Variants in XXYLT1 observed in about 807,000 individuals in gnomAD.
The protein encoded by XXYLT1 is UDP-xylose:alpha-xyloside alpha-1,3-xylosyltransferase.
In XXYLT1, 20 loss-of-function variants were observed where a neutral mutation model predicts 28.9. The ratio of observed to expected loss-of-function variants is 0.69; its 90% CI spans 0.49 to 1.00. The LOEUF (loss-of-function observed/expected upper bound fraction) is 1.00. Among genes scored for constraint, XXYLT1 ranks in the 50% least tolerant of loss-of-function variants. XXYLT1 has a pLI of 0.00. For synonymous variants in XXYLT1, 257 were observed against 253.8 expected (o/e 1.01, Z -0.12); for missense variants, 542 against 560.1 (o/e 0.97, Z 0.33).
intron 3 of XXYLT1, among the ~76,000 whole-genome samples, chr3:195,120,773 A>AG (rs1490949096): frequency 1.3e-5 from 2 of 152,162 alleles, no homozygotes; most frequent in Non-Finnish European, 2.9e-5. Flanking sequence ...GGGGTCCCGG[A>AG]GGGGAAGACA....
chr3:195,261,655 G>A (rs1725703505), intron 1 of XXYLT1, among the ~76,000 whole-genome samples: 3 of 152,178 alleles, frequency 2.0e-5, no homozygotes, highest in African/African-American at 4.8e-5. Context: ...ACAGGGTAAG[G>A]AGGGGAAAGT....
At chr3:195,219,828 TG>T (rs1560159081) in intron 2 of XXYLT1, among the ~76,000 whole-genome samples, 1 of 152,210 alleles carries the variant, frequency 6.6e-6, no homozygotes, top group Non-Finnish European at 1.5e-5. Flanking sequence ...GAGAGCTGGA[TG>T]GGGCCACCCC....
intron 2 of XXYLT1, among the ~76,000 whole-genome samples, chr3:195,214,313 T>C (rs1317914590): frequency 6.6e-6 from 1 of 152,126 alleles, no homozygotes; most frequent in Middle Eastern, 3.2e-3. Context: ...TCCACCCTCC[T>C]ATGGGGCAGA....
intron 2 of XXYLT1, among the ~76,000 whole-genome samples, chr3:195,166,083 G>A (rs186419853): frequency 1.7e-4 from 26 of 151,806 alleles, no homozygotes; most frequent in Non-Finnish European, 3.7e-4. Context: ...GAGAATCCAG[G>A]CTCCAATTTT....
At position 195,226,807 on chromosome 3, in the gene XXYLT1, A is replaced by G. The variant is rs540830323; in HGVS notation, c.554T>C (p.Val185Ala). 1.9e-6 allele frequency: 3 copies of G among 1,613,860 alleles called. No homozygotes were observed. The highest frequency in any genetic ancestry group is 2.7e-5 in the African/African-American group (2 of 74,914). Residue 185 changes from valine to alanine, a missense_variant, in exon 2 of 4, where the codon GTG (valine) becomes GCG (alanine). Transcript: ENST00000310380. Reference sequence around the variant, plus strand: ...ACTGAAGTGCTTCTGCATGGCCTCCACGATGGGGAAGAGCTTATCCGTCAG... The same window carrying G: ...ACTGAAGTGCTTCTGCATGGCCTCCGCGATGGGGAAGAGCTTATCCGTCAG... The part of the protein sequence containing the change: ...AVLTDKLFPI[V>A]EAMQKHFSAG...
chr3:195,145,263 G>GCCT (rs10694727), intron 3 of XXYLT1, among the ~76,000 whole-genome samples: 1 of 151,300 alleles, frequency 6.6e-6, no homozygotes, highest in Non-Finnish European at 1.5e-5. Context: ...GGAAGATCAA[G>GCCT]TGGAAGCCAC....
intron 3 of XXYLT1, among the ~76,000 whole-genome samples, chr3:195,102,070 GAAGGGAAGGGA>G (rs1156677085): frequency 1.7e-5 from 2 of 119,922 alleles, no homozygotes; most frequent in Non-Finnish European, 3.4e-5. Flanking sequence ...ATGGAAGGAG[GAAGGGAAGGGA>G]AAGGGAGGGG....
chr3:195,170,355 G>A (rs1224633840), intron 2 of XXYLT1, among the ~76,000 whole-genome samples: 1 of 152,150 alleles, frequency 6.6e-6, no homozygotes, highest in Non-Finnish European at 1.5e-5. Flanking sequence ...TAGTCAATGT[G>A]CATGAGATTT....
In XXYLT1 at chr3:195,256,054, G is replaced by A. The variant is rs553588715; in HGVS notation, c.504+14501C>T. Among the ~76,000 whole-genome samples the A allele has an allele frequency of 1.5e-4, 23 of 152,274 alleles. No homozygotes were observed. In the East Asian group the frequency reaches 4.1e-3, roughly 27 times the overall value. Reference sequence around the variant, plus strand: ...GCCACCCAGCCAGCAGCAGGCACAGGGGCACCGTGGGAACCCTTCTGGTGG... The same window carrying A: ...GCCACCCAGCCAGCAGCAGGCACAGAGGCACCGTGGGAACCCTTCTGGTGG... On this transcript the variant is annotated intron_variant, in intron 1 of 3. Coordinates refer to ENST00000310380, the MANE Select transcript of XXYLT1 (RefSeq NM_152531.5). This position sits in a 1 kb window ranked among gnomAD's most constrained non-coding sequence, Gnocchi z 4.2.
intron 2 of XXYLT1, among the ~76,000 whole-genome samples, chr3:195,225,390 C>T (rs1269061944): frequency 2.0e-5 from 3 of 152,188 alleles, no homozygotes; most frequent in African/African-American, 4.8e-5. Context: ...GCAGGACAAC[C>T]TCCCAACAGG....
At chr3:195,248,194 T>C (rs550056005) in intron 1 of XXYLT1, among the ~76,000 whole-genome samples, 2 of 152,332 alleles carry the variant, frequency 1.3e-5, no homozygotes, top group Non-Finnish European at 2.9e-5. Flanking sequence ...GCTTATACTG[T>C]TGTGCAAAGT....
At chr3:195,251,941 T>C (rs565251439) in intron 1 of XXYLT1, among the ~76,000 whole-genome samples, 1 of 151,724 alleles carries the variant, frequency 6.6e-6, no homozygotes, top group Non-Finnish European at 1.5e-5. Flanking sequence ...GTAGTGGGAG[T>C]GACAAAACAG....
chr3:195,238,157 C>A (rs568121414), intron 1 of XXYLT1, among the ~76,000 whole-genome samples: 1 of 152,312 alleles, frequency 6.6e-6, no homozygotes, highest in South Asian at 2.1e-4. Context: ...CCGACCTCCC[C>A]GCCTCGTGTG....
At chr3:195,154,561 G>A (rs926913326) in intron 3 of XXYLT1, among the ~76,000 whole-genome samples, 3 of 152,138 alleles carry the variant, frequency 2.0e-5, no homozygotes, top group Non-Finnish European at 4.4e-5. Flanking sequence ...GAGTTCTCCA[G>A]GGAGCGCGTG....
At chr3:195,160,401 A>G (rs61218008) in intron 2 of XXYLT1, among the ~76,000 whole-genome samples, 52,394 of 152,050 alleles carry the variant, frequency 0.34, 10,120 homozygotes, top group East Asian at 0.84. Context: ...ACTGCAGAGC[A>G]TCAGCCCAAA....
chr3:195,149,474 C>T (rs912183932), intron 3 of XXYLT1, among the ~76,000 whole-genome samples: 4 of 152,174 alleles, frequency 2.6e-5, no homozygotes, highest in African/African-American at 9.7e-5. Context: ...AGCAAAGGGC[C>T]AGATGTTCAC....
At chr3:195,244,681 G>T (rs1456263867) in intron 1 of XXYLT1, among the ~76,000 whole-genome samples, 1 of 141,098 alleles carries the variant, frequency 7.1e-6, no homozygotes, top group South Asian at 2.2e-4. Flanking sequence ...AAAATGGCGT[G>T]AACCCAGGGG....
chr3:195,110,334 T>TG (rs1427938265), intron 3 of XXYLT1, among the ~76,000 whole-genome samples: 4 of 7,602 alleles, frequency 5.3e-4, no homozygotes, highest in African/African-American at 1.3e-3. Context: ...GTGAGGTGTG[T>TG]GTATGTGTGT....
At chr3:195,262,728 T>C (rs866762202) in intron 1 of XXYLT1, among the ~76,000 whole-genome samples, 19 of 152,228 alleles carry the variant, frequency 1.2e-4, no homozygotes, top group African/African-American at 4.3e-4. Flanking sequence ...CCAGAGTTTA[T>C]TGTATTTGAT....
Sources: gnomAD v4.1 joint callset for allele counts (sites outside exome capture counted in the v4.1 genomes callset) on GRCh38, gnomAD v4.1.1 for gene constraint, Gnocchi (gnomAD v3.1) non-coding constraint, MANE v1.5 for transcripts, NCBI Gene and HGNC (gene_info 2026-07-23, HGNC 2026-07-21) for gene names.